MDGA2: variants seen among roughly 807,000 people sequenced by gnomAD.
The protein encoded by MDGA2 is MAM domain containing glycosylphosphatidylinositol anchor 2, also known as MAM domain-containing glycosylphosphatidylinositol anchor protein 2.
Under a neutral mutation model 117.8 loss-of-function variants are expected in MDGA2, and 40 were observed. The ratio of observed to expected loss-of-function variants is 0.34; its 90% CI spans 0.26 to 0.44. The LOEUF (loss-of-function observed/expected upper bound fraction) is 0.44, where lower values mean the gene tolerates loss of function less well. Among genes scored for constraint, MDGA2 ranks in the 20% least tolerant of loss-of-function variants. The pLI, the probability that MDGA2 is intolerant of heterozygous loss-of-function variation, is 1.00. For synonymous variants in MDGA2, 452 were observed against 439.0 expected, an observed-to-expected ratio of 1.03 and a Z score of -0.37; for missense variants, 1,123 against 1,250.6, an observed-to-expected ratio of 0.90 and a Z score of 1.54.
intron 1 of MDGA2, among the ~76,000 whole-genome samples, chr14:47,554,276 G>A (rs1378450509): frequency 1.3e-5 from 2 of 152,218 alleles, no homozygotes; most frequent in South Asian, 2.1e-4. Flanking sequence ...GCAAATATAT[G>A]GATATGAATT....
rs540515551 is a variant in MDGA2 at position 47,408,704 on chromosome 14, T to A, written c.281-107154A>T. On this transcript the variant is annotated intron_variant, in intron 1 of 16. Transcript: ENST00000399232. ...TGTCCTCAGATCAGTAGAAACCTAA[T>A]TCTAAATGCAAAATAATTAAATTAG... 2.6e-5 allele frequency among the ~76,000 whole-genome samples: 4 copies of A among 152,310 alleles called. No individual in the cohort carries two copies. The South Asian group carries it at 8.3e-4, about 32-fold the overall frequency.
At chr14:46,979,133 A>G (rs967964972) in intron 8 of MDGA2, among the ~76,000 whole-genome samples, 1 of 151,916 alleles carries the variant, frequency 6.6e-6, no homozygotes, top group Admixed American at 6.6e-5. Flanking sequence ...CTTTTTCTTT[A>G]TTATTATATC....
intron 1 of MDGA2, among the ~76,000 whole-genome samples, chr14:47,567,866 T>C (rs1420251791): frequency 6.6e-6 from 1 of 152,102 alleles, no homozygotes; most frequent in Admixed American, 6.5e-5. Context: ...TGAAATTCAC[T>C]ATGAATTGTC....
At chr14:47,091,903 T>G (rs1313317063) in intron 6 of MDGA2, among the ~76,000 whole-genome samples, 2 of 152,112 alleles carry the variant, frequency 1.3e-5, no homozygotes, top group East Asian at 3.9e-4. Flanking sequence ...GATACCTGAA[T>G]GACCACATGG....
intron 1 of MDGA2, among the ~76,000 whole-genome samples, chr14:47,599,284 G>A (rs1267117421): frequency 6.6e-6 from 1 of 150,536 alleles, no homozygotes; most frequent in Non-Finnish European, 1.5e-5. Context: ...AGGAAAGAAT[G>A]AAGTCAGTTG....
At chr14:47,303,161 C>T (rs1343766123) in intron 1 of MDGA2, among the ~76,000 whole-genome samples, 1 of 152,134 alleles carries the variant, frequency 6.6e-6, no homozygotes, top group Non-Finnish European at 1.5e-5. Context: ...CCCCAGGAAT[C>T]TGCATTTTTA....
At chr14:47,574,632 T>C (rs1156619147) in intron 1 of MDGA2, among the ~76,000 whole-genome samples, 1 of 152,168 alleles carries the variant, frequency 6.6e-6, no homozygotes, top group Non-Finnish European at 1.5e-5. Flanking sequence ...CTAGTACCAC[T>C]GCTATTATTA....
chr14:47,110,372 CT>C (rs1046204365), intron 5 of MDGA2, among the ~76,000 whole-genome samples: 6 of 152,098 alleles, frequency 3.9e-5, no homozygotes, highest in African/African-American at 1.4e-4. Flanking sequence ...ATTTAAAGCT[CT>C]TTTCTGAGTG....
At chr14:47,201,671 T>A (rs1344740122) in intron 3 of MDGA2, among the ~76,000 whole-genome samples, 1 of 152,222 alleles carries the variant, frequency 6.6e-6, no homozygotes, top group Non-Finnish European at 1.5e-5. Context: ...ACATACGAAC[T>A]CTTTCAACTT....
In MDGA2 at chr14:46,957,569, C is replaced by T; in HGVS notation, c.1894G>A (p.Val632Ile). 6.2e-7 allele frequency: 1 copy of T among 1,614,164 alleles called. No individual in the cohort carries two copies. Among genetic ancestry groups the T allele is most frequent in the Non-Finnish European group, 8.5e-7 (1 of 1,180,018 alleles). ...QDRSVTMSCR[V>I]LRAYPIRVLT... ...ACCCGTATTGGATAGGCTCTCAGTA[C>T]TCTGCAACTCATAGTGACACTTCGA... The change falls in exon 9 of 17, where the codon GTA becomes ATA. Residue 632 changes from valine to isoleucine, a missense_variant. Physicochemically the swap from Val to Ile is conservative, Grantham distance 29. Around this residue, in one of 2 missense-constraint regions of MDGA2, gnomAD observed 890 missense variants for 1,050.3 expected, o/e 0.85. Transcript: ENST00000399232.
chr14:47,226,637 G>C (rs1566690262), intron 2 of MDGA2, among the ~76,000 whole-genome samples: 1 of 151,990 alleles, frequency 6.6e-6, no homozygotes, highest in Non-Finnish European at 1.5e-5. Flanking sequence ...GGTACATCTT[G>C]GTGCAAATGC....
At chr14:46,947,985 T>G (rs1000228440) in intron 9 of MDGA2, among the ~76,000 whole-genome samples, 5 of 152,010 alleles carry the variant, frequency 3.3e-5, no homozygotes, top group African/African-American at 1.2e-4. Context: ...TGTCCTCTAC[T>G]GGGAGAGTTC....
chr14:47,577,594 G>GA (rs1896139280), intron 1 of MDGA2, among the ~76,000 whole-genome samples: 1 of 151,968 alleles, frequency 6.6e-6, no homozygotes, highest in African/African-American at 2.4e-5. Context: ...AAATTTACAA[G>GA]AAAAAACAAC....
intron 7 of MDGA2, among the ~76,000 whole-genome samples, chr14:47,053,409 T>C (rs1889525588): frequency 6.6e-6 from 1 of 151,618 alleles, no homozygotes; most frequent in African/African-American, 2.4e-5. Flanking sequence ...CTACAACTAA[T>C]CTCAAACCAT....
intron 1 of MDGA2, among the ~76,000 whole-genome samples, chr14:47,562,658 C>T (rs1395455502): frequency 6.6e-6 from 1 of 151,950 alleles, no homozygotes; most frequent in Non-Finnish European, 1.5e-5. Flanking sequence ...TTCTGTTTAT[C>T]TTAATTTTCT....
intron 8 of MDGA2, among the ~76,000 whole-genome samples, chr14:46,957,997 G>T (rs1595068836): frequency 6.6e-6 from 1 of 152,166 alleles, no homozygotes; most frequent in Non-Finnish European, 1.5e-5. Flanking sequence ...GTCTAAAAGT[G>T]GTAAGAATTC....
intron 6 of MDGA2, among the ~76,000 whole-genome samples, chr14:47,077,637 T>A (rs1295703163): frequency 2.0e-5 from 3 of 150,426 alleles, no homozygotes; most frequent in African/African-American, 7.4e-5. Context: ...ACACAGTGCA[T>A]CTGCAGAAAA....
At chr14:46,956,351 T>C (rs1413517649) in intron 9 of MDGA2, among the ~76,000 whole-genome samples, 1 of 152,046 alleles carries the variant, frequency 6.6e-6, no homozygotes. Flanking sequence ...ATGTACAGTA[T>C]ATAGATTATA....
intron 1 of MDGA2, among the ~76,000 whole-genome samples, chr14:47,339,406 C>A (rs866618429): frequency 4.6e-5 from 7 of 152,142 alleles, no homozygotes; most frequent in Admixed American, 2.0e-4. Context: ...CTCCAAATCT[C>A]ATGTAGGAAT....
Sources: gnomAD v4.1 joint callset for allele counts (sites outside exome capture counted in the v4.1 genomes callset) on GRCh38, gnomAD v4.1.1 for gene constraint, gnomAD v4.1.1 regional missense constraint, MANE v1.5 for transcripts, NCBI Gene and HGNC (gene_info 2026-07-23, HGNC 2026-07-21) for gene names.